The following PCNX2 variants were observed in gnomAD, a reference collection of about 807,000 sequenced individuals.
The protein encoded by PCNX2 is pecanex 2.
A neutral mutation model predicts 223.8 loss-of-function variants in PCNX2; 168 were observed. The ratio of observed to expected loss-of-function variants is 0.75; its 90% CI spans 0.66 to 0.85. PCNX2 has a LOEUF of 0.85. Ranked by LOEUF, PCNX2 falls within the 40% of genes least tolerant of loss-of-function variation. PCNX2 has a pLI of 0.00. For synonymous variants in PCNX2, 1,006 were observed against 1,052.6 expected (o/e 0.96, Z 0.86); for missense variants, 2,507 against 2,675.5 (o/e 0.94, Z 1.39).
At chr1:233,262,704 G>A (rs1200079378) in intron 2 of PCNX2, among the ~76,000 whole-genome samples, 1 of 152,084 alleles carries the variant, frequency 6.6e-6, no homozygotes, top group African/African-American at 2.4e-5. Context: ...GCAGTGCTAA[G>A]CCTAAGGCAA....
rs1670080165 is a variant in PCNX2, at chr1:233,001,434, G to A, written c.5097+103C>T. ...GTGGAGGTTGTGGTGAGCCGAGATTGTGCCATTGCACCCCAGCCTGGGCAA... is the reference window on the plus strand; with the variant it reads ...GTGGAGGTTGTGGTGAGCCGAGATTATGCCATTGCACCCCAGCCTGGGCAA... On this transcript the variant is annotated intron_variant, in intron 29 of 33. Coordinates refer to ENST00000258229, the MANE Select transcript of PCNX2 (RefSeq NM_014801.4). This position sits in a 1 kb window ranked among gnomAD's most constrained non-coding sequence, Gnocchi z 4.2. 3 of 716,110 alleles carry A rather than the reference G, an allele frequency of 4.2e-6. No homozygotes were observed. In the South Asian group the frequency reaches 1.9e-4, roughly 46 times the overall value. The allele number at this position is 716,110 out of a possible 1,614,324, so 44.4% of individuals were successfully genotyped here. A position where few individuals can be genotyped will look rare whatever the true frequency, so the allele number is the denominator to read the frequency against.
chr1:233,005,664 T>C (rs780186787), intron 28 of PCNX2, among the ~76,000 whole-genome samples: 5 of 152,196 alleles, frequency 3.3e-5, no homozygotes, highest in African/African-American at 9.7e-5. Context: ...CCTGGCTTTT[T>C]TCCCCCTGAG....
At chr1:233,108,998 A>G (rs1386754063) in intron 21 of PCNX2, among the ~76,000 whole-genome samples, 2 of 152,172 alleles carry the variant, frequency 1.3e-5, no homozygotes, top group African/African-American at 4.8e-5. Flanking sequence ...GTGCAGCCTG[A>G]AAGCTGGGGA....
Position 233,075,629 on chromosome 1 carries a change from G to C in PCNX2, c.4076+14432C>G, listed in dbSNP as rs570225910. Among the ~76,000 whole-genome samples, 3 of 151,078 alleles carry C rather than the reference G, an allele frequency of 2.0e-5. No homozygotes were observed. In the South Asian group the frequency reaches 6.3e-4, roughly 32 times the overall value. On this transcript the variant is annotated intron_variant, in intron 23 of 33. Transcript: ENST00000258229. ...AAAATGTTATCCCTGGGGGAAACTG[G>C]TAAAGAATACATGGGCTCTGTCTCT...
Position 232,984,294 on chromosome 1 carries a change from C to T in PCNX2, c.*10G>A, listed in dbSNP as rs567468865. ...GGGGGAGCCAGCCTCCCCGCCCGGC[C>T]GCACGCCCGTCACTGCTCGTCTGAC... is the stretch of plus-strand genomic sequence containing the variant. On this transcript the variant is annotated 3_prime_UTR_variant, in exon 34 of 34. Transcript: ENST00000258229. The T allele has an allele frequency of 4.2e-5, 66 of 1,588,430 alleles. No individual in the cohort carries two copies. Among genetic ancestry groups the T allele is most frequent in the South Asian group, 1.6e-4 (14 of 87,466 alleles).
intron 8 of PCNX2, among the ~76,000 whole-genome samples, chr1:233,240,533 A>G (rs1653234697): frequency 6.6e-6 from 1 of 152,220 alleles, no homozygotes; most frequent in Admixed American, 6.5e-5. Flanking sequence ...TCTGTGAACT[A>G]CAGTACACGA....
chr1:233,063,620 A>G (rs1672485940), intron 23 of PCNX2, among the ~76,000 whole-genome samples: 2 of 152,108 alleles, frequency 1.3e-5, no homozygotes, highest in African/African-American at 4.8e-5. Flanking sequence ...ATGTGAATTT[A>G]TTTTAGTTTA....
In PCNX2 at chr1:232,984,434, C is replaced by A. The variant is rs201810019; in HGVS notation, c.6284G>T (p.Gly2095Val). The part of the protein sequence containing the change: ...PCEPPDATEQ[G>V]QLHDRCLAEA... ...AGCCAGACATCGGTCATGAAGCTGCCCCTGCTCGGTGGCATCAGGGGGCTC... is the reference window on the plus strand; with the variant it reads ...AGCCAGACATCGGTCATGAAGCTGCACCTGCTCGGTGGCATCAGGGGGCTC... Residue 2095 changes from glycine to valine, a missense_variant, in exon 34 of 34, where the codon GGG (glycine) becomes GTG (valine). Around this residue, in one of 3 missense-constraint regions of PCNX2, gnomAD observed 1,372 missense variants for 1,509.4 expected, o/e 0.91. Transcript: ENST00000258229. 3 of 1,613,658 alleles carry A rather than the reference C, an allele frequency of 1.9e-6. No homozygotes were observed. Among genetic ancestry groups the A allele is most frequent in the Non-Finnish European group, 2.5e-6 (3 of 1,179,790 alleles).
chr1:232,992,940 C>A (rs1669753252), intron 32 of PCNX2, among the ~76,000 whole-genome samples: 1 of 152,194 alleles, frequency 6.6e-6, no homozygotes, highest in Non-Finnish European at 1.5e-5. Flanking sequence ...TGAGGCCTCC[C>A]CAGCCATGTG....
chr1:233,084,653 G>T (rs542118436), intron 23 of PCNX2, among the ~76,000 whole-genome samples: 2 of 152,300 alleles, frequency 1.3e-5, no homozygotes, highest in South Asian at 4.1e-4. Flanking sequence ...AAAGATGTTT[G>T]CTGAGATAAC....
At chr1:233,204,539 A>T (rs1420711200) in intron 13 of PCNX2, among the ~76,000 whole-genome samples, 5 of 152,206 alleles carry the variant, frequency 3.3e-5, no homozygotes, top group African/African-American at 4.8e-5. Context: ...GACTACTTAC[A>T]TCCCTTGCTA....
intron 26 of PCNX2, among the ~76,000 whole-genome samples, chr1:233,023,781 C>T (rs1055592098): frequency 3.3e-5 from 5 of 152,190 alleles, no homozygotes; most frequent in Admixed American, 1.3e-4. Context: ...TGAGCACAAA[C>T]GGCTAAATCT....
chr1:233,327,310 A>C, the PCNX2 span, among the ~76,000 whole-genome samples: 1 of 146,642 alleles, frequency 6.8e-6, no homozygotes, highest in Non-Finnish European at 1.5e-5. Context: ...GGCGCGGCTC[A>C]CCATTGCTCC....
chr1:233,250,446 T>C (rs74147333), intron 8 of PCNX2: 9,754 of 639,998 alleles, frequency 0.015, 160 homozygotes, highest in African/African-American at 0.072. Context: ...TTGAGAGCTG[T>C]ATCACCATCT....
At chr1:233,155,133 C>T (rs374219361) in intron 19 of PCNX2, among the ~76,000 whole-genome samples, 8 of 151,166 alleles carry the variant, frequency 5.3e-5, no homozygotes, top group South Asian at 2.1e-4. Flanking sequence ...TGCGAGAGTG[C>T]GGTGGCTATT....
chr1:233,301,486 C>T, the PCNX2 span, among the ~76,000 whole-genome samples: 3 of 152,156 alleles, frequency 2.0e-5, no homozygotes, highest in Non-Finnish European at 4.4e-5. Context: ...GAAACGAAAA[C>T]TTGACCATGT....
At chr1:233,235,769 T>C (rs1658347674) in intron 9 of PCNX2, among the ~76,000 whole-genome samples, 1 of 151,730 alleles carries the variant, frequency 6.6e-6, no homozygotes, top group Non-Finnish European at 1.5e-5. Context: ...GCCAGGCTAA[T>C]GTTTCTATTT....
chr1:233,086,684 T>G (rs1422126569), intron 23 of PCNX2, among the ~76,000 whole-genome samples: 6 of 151,534 alleles, frequency 4.0e-5, no homozygotes, highest in Admixed American at 2.6e-4. Flanking sequence ...ATAATAATAA[T>G]AATAATAAAA....
chr1:233,148,815 A>T (rs1677623188), intron 19 of PCNX2, among the ~76,000 whole-genome samples: 1 of 152,242 alleles, frequency 6.6e-6, no homozygotes, highest in African/African-American at 2.4e-5. Context: ...GATAAATGAA[A>T]CTCATACTGA....
Sources: gnomAD v4.1 joint callset for allele counts (sites outside exome capture counted in the v4.1 genomes callset) on GRCh38, gnomAD v4.1.1 for gene constraint, gnomAD v4.1.1 regional missense constraint, Gnocchi (gnomAD v3.1) non-coding constraint, MANE v1.5 for transcripts, NCBI Gene and HGNC (gene_info 2026-07-23, HGNC 2026-07-21) for gene names.